The following SGIP1 variants were observed in gnomAD, a reference collection of about 807,000 sequenced individuals.
SGIP1 encodes the protein SH3GL interacting endocytic adaptor 1.
SGIP1 carries 38 observed loss-of-function variants against 107.5 expected under a neutral mutation model. The ratio of observed to expected loss-of-function variants is 0.35; its 90% CI spans 0.27 to 0.46. The LOEUF (loss-of-function observed/expected upper bound fraction) is 0.46. Among genes scored for constraint, SGIP1 ranks in the 20% least tolerant of loss-of-function variants. The pLI is 1.00. For synonymous variants in SGIP1, 365 were observed against 366.1 expected, an observed-to-expected ratio of 1.00 and a Z score of 0.03; for missense variants, 929 against 1,019.5, an observed-to-expected ratio of 0.91 and a Z score of 1.21.
chr1:66,729,456 T>G, intron 20 of SGIP1, 37 bp downstream of exon 20: 1 of 1,613,168 alleles, frequency 6.2e-7, no homozygotes, highest in East Asian at 2.2e-5. Flanking sequence ...CAGAGATACA[T>G]GTGGCTTAGT....
chr1:66,748,863 T>A lies in SGIP1; in HGVS notation c.*5768T>A, dbSNP rs2094587740. 6.6e-6 allele frequency among the ~76,000 whole-genome samples: 1 copy of A among 151,986 alleles called. No individual in the cohort carries two copies. The highest frequency in any genetic ancestry group is 2.4e-5 in the African/African-American group (1 of 41,420). ...TTGACAATAAATGTTAGTGTTTTAA[T>A]GAAGCTTAAGAAAGTTATTGAATCA... On this transcript the variant is annotated 3_prime_UTR_variant, in exon 25 of 25. Transcript: ENST00000371037.
intron 24 of SGIP1, 151 bp downstream of exon 24, chr1:66,741,587 T>A: frequency 1.3e-6 from 1 of 770,566 alleles, no homozygotes; most frequent in Non-Finnish European, 1.9e-6. Context: ...AATTATTGAA[T>A]GAAGTAGAAA....
intron 15 of SGIP1, among the ~76,000 whole-genome samples, chr1:66,685,367 A>G (rs1412143271): frequency 6.6e-6 from 1 of 152,238 alleles, no homozygotes; most frequent in Non-Finnish European, 1.5e-5. Context: ...CAATTTCCTT[A>G]TGTCAAAAGT....
chr1:66,645,876 C>A (rs549234876), intron 7 of SGIP1, among the ~76,000 whole-genome samples: 3 of 151,998 alleles, frequency 2.0e-5, no homozygotes, highest in Admixed American at 6.6e-5. Flanking sequence ...AGTCTTGCTC[C>A]GTTGCTCAGG....
At chr1:66,674,133 A>C (rs147244344) in intron 12 of SGIP1, among the ~76,000 whole-genome samples, 37 of 152,148 alleles carry the variant, frequency 2.4e-4, no homozygotes, top group Non-Finnish European at 4.9e-4. Context: ...ACACCATTGC[A>C]CTCCAGCCCG....
intron 19 of SGIP1, among the ~76,000 whole-genome samples, chr1:66,720,676 T>C (rs913516577): frequency 1.3e-5 from 2 of 152,120 alleles, no homozygotes; most frequent in East Asian, 3.8e-4. Context: ...CAGTGAGCCA[T>C]GATCACACCA....
intron 9 of SGIP1, among the ~76,000 whole-genome samples, chr1:66,668,655 C>G (rs1249156277): frequency 6.6e-6 from 1 of 152,178 alleles, no homozygotes; most frequent in Non-Finnish European, 1.5e-5. Flanking sequence ...TTATTTGATG[C>G]AAATACCCTG....
At chr1:66,553,253 AAAG>A (rs2057699881) in intron 1 of SGIP1, among the ~76,000 whole-genome samples, 1 of 152,296 alleles carries the variant, frequency 6.6e-6, no homozygotes, top group East Asian at 1.9e-4. Context: ...CAGAGACAGT[AAAG>A]AAGAATTCAG....
intron 1 of SGIP1, among the ~76,000 whole-genome samples, chr1:66,591,451 T>C (rs2063605194): frequency 2.0e-5 from 3 of 152,192 alleles, no homozygotes. Context: ...TAATAGACTT[T>C]TTAGAGCACT....
At chr1:66,690,406 T>C (rs549286251) in intron 17 of SGIP1, 90 bp downstream of exon 17, 1 of 1,538,960 alleles carries the variant, frequency 6.5e-7, no homozygotes, top group East Asian at 2.3e-5. Flanking sequence ...GTGTTTCTGG[T>C]TGAAATTGTT....
intron 19 of SGIP1, among the ~76,000 whole-genome samples, chr1:66,722,324 C>T (rs552846441): frequency 1.2e-4 from 18 of 152,300 alleles, no homozygotes; most frequent in African/African-American, 4.1e-4. Flanking sequence ...CTCCCCACCC[C>T]GTCAACATTT....
At chr1:66,565,779 C>CTAGA (rs1341661165) in intron 1 of SGIP1, among the ~76,000 whole-genome samples, 1 of 152,100 alleles carries the variant, frequency 6.6e-6, no homozygotes, top group East Asian at 1.9e-4. Context: ...CCTCCCTGTG[C>CTAGA]TAGACTCTGT....
intron 7 of SGIP1, among the ~76,000 whole-genome samples, chr1:66,650,419 G>A (rs1157450377): frequency 1.3e-5 from 2 of 152,128 alleles, no homozygotes; most frequent in African/African-American, 4.8e-5. Flanking sequence ...AGCAGGCACT[G>A]AGAGCTAATA....
chr1:66,712,781 G>A (rs1459937287), intron 18 of SGIP1, among the ~76,000 whole-genome samples: 1 of 152,232 alleles, frequency 6.6e-6, no homozygotes, highest in South Asian at 2.1e-4. Context: ...GTCTCAGGCT[G>A]TCTACATGTG....
In SGIP1 at chr1:66,692,032, G is replaced by A. The variant is rs531212741; in HGVS notation, c.1570+1716G>A. Among the ~76,000 whole-genome samples, 87 of 152,046 alleles carry A rather than the reference G, an allele frequency of 5.7e-4. 4 individuals are homozygous for A. Among genetic ancestry groups the A allele is most frequent in the East Asian group, 5.8e-4 (3 of 5,166 alleles). ...AAATTAGCCGGGTGTGGTGGTGGGC[G>A]CCTGTAGTCCCAGCCACTTGGGAGG... On this transcript the variant is annotated intron_variant, in intron 17 of 24. Coordinates refer to ENST00000371037, the MANE Select transcript of SGIP1 (RefSeq NM_032291.4).
intron 1 of SGIP1, among the ~76,000 whole-genome samples, chr1:66,561,805 T>C (rs770642715): frequency 6.6e-6 from 1 of 152,026 alleles, no homozygotes; most frequent in South Asian, 2.1e-4. Flanking sequence ...TTTATTCAAA[T>C]GGAATATTAA....
intron 1 of SGIP1, among the ~76,000 whole-genome samples, chr1:66,619,846 G>A (rs926605405): frequency 9.2e-5 from 14 of 152,146 alleles, no homozygotes; most frequent in African/African-American, 3.4e-4. Flanking sequence ...TACAGAAACA[G>A]TCTTCATTTG....
chr1:66,654,799 T>G (rs2079424441), intron 7 of SGIP1, among the ~76,000 whole-genome samples: 1 of 152,184 alleles, frequency 6.6e-6, no homozygotes, highest in South Asian at 2.1e-4. Flanking sequence ...CTTGGAGCTG[T>G]AGCTTGAAAT....
chr1:66,592,552 A>G (rs983383136), intron 1 of SGIP1, among the ~76,000 whole-genome samples: 4 of 152,170 alleles, frequency 2.6e-5, no homozygotes, highest in Admixed American at 2.6e-4. Context: ...TCTTTTCCCC[A>G]CGGAGTGATA....
Sources: gnomAD v4.1 joint callset for allele counts (sites outside exome capture counted in the v4.1 genomes callset) on GRCh38, gnomAD v4.1.1 for gene constraint, MANE v1.5 for transcripts, NCBI Gene and HGNC (gene_info 2026-07-23, HGNC 2026-07-21) for gene names.